Variants in PAPPA2 observed in about 807,000 individuals in gnomAD.
The protein encoded by PAPPA2 is pappalysin 2.
PAPPA2 carries 86 observed loss-of-function variants against 176.4 expected under a neutral mutation model. The observed-to-expected ratio is 0.49, with a 90% CI of 0.41 to 0.58. The LOEUF (loss-of-function observed/expected upper bound fraction) is 0.58. Ranked by LOEUF, PAPPA2 falls within the 20% of genes least tolerant of loss-of-function variation. PAPPA2 has a pLI of 0.00. For synonymous variants in PAPPA2, 809 were observed against 852.2 expected, an observed-to-expected ratio of 0.95 and a Z score of 0.88; for missense variants, 2,073 against 2,256.9, an observed-to-expected ratio of 0.92 and a Z score of 1.65.
At position 176,740,106 on chromosome 1, in the gene PAPPA2, C is replaced by CTG; in HGVS notation, c.4064_4065dup (p.Ala1356TrpfsTer3). 1 of 1,613,930 alleles carries CTG rather than the reference C, an allele frequency of 6.2e-7. No homozygotes were observed. The highest frequency in any genetic ancestry group is 8.5e-7 in the Non-Finnish European group (1 of 1,179,880). On this transcript the variant is annotated frameshift_variant, in exon 14 of 23. Coordinates refer to ENST00000367662, the MANE Select transcript of PAPPA2 (RefSeq NM_020318.3). LOFTEE classifies it high-confidence loss of function. ...TCATCCCCACGGGTCGGCATCTCAG[C>CTG]TGTGGCTCTAAGGACATCCTCCCGC...
At chr1:176,480,462 G>T (rs527802918) in intron 1 of PAPPA2, among the ~76,000 whole-genome samples, 10 of 152,120 alleles carry the variant, frequency 6.6e-5, no homozygotes, top group Non-Finnish European at 1.3e-4. Context: ...TCCGAACTGA[G>T]AGGCTAAGCA....
chr1:176,704,674 C>T (rs974338665), intron 9 of PAPPA2, among the ~76,000 whole-genome samples: 2 of 152,116 alleles, frequency 1.3e-5, no homozygotes, highest in Admixed American at 6.5e-5. Flanking sequence ...TTTGGAACAA[C>T]TTGGGCAGGT....
At position 176,711,868 on chromosome 1, in the gene PAPPA2, C is replaced by A; in HGVS notation, c.3685C>A (p.His1229Asn). 6.2e-7 allele frequency: 1 copy of A among 1,612,288 alleles called. No homozygotes were observed. Among genetic ancestry groups the A allele is most frequent in the Non-Finnish European group, 8.5e-7 (1 of 1,178,452 alleles). Residue 1229 changes from histidine (H) to asparagine (N), a missense_variant, in exon 12 of 23, where the codon CAC (histidine) becomes AAC (asparagine). His to Asn is a moderately conservative substitution (Grantham distance 68). Around this residue, in one of 4 missense-constraint regions of PAPPA2, gnomAD observed 846 missense variants for 857.9 expected, o/e 0.99. Coordinates refer to ENST00000367662, the MANE Select transcript of PAPPA2 (RefSeq NM_020318.3). The part of the protein sequence containing the change: ...CTSYHPDLPN[H>N]RPLTGWFPCV... ...ATCATACCATCCAGATTTACCCAAC[C>A]ACCGTCCCCTAACTGGCTGGTTTCC...
chr1:176,786,073 G>A (rs1664921536), intron 17 of PAPPA2, among the ~76,000 whole-genome samples: 1 of 152,142 alleles, frequency 6.6e-6, no homozygotes, highest in South Asian at 2.1e-4. Flanking sequence ...TTTCATCTGT[G>A]GGAGGTGGTA....
chr1:176,819,964 C>G (rs567209365), intron 21 of PAPPA2, among the ~76,000 whole-genome samples: 16 of 152,266 alleles, frequency 1.1e-4, no homozygotes, highest in African/African-American at 3.8e-4. Context: ...CTAGTAACCC[C>G]CCAGCACCAG....
At chr1:176,710,650 G>T (rs577857614) in intron 11 of PAPPA2, among the ~76,000 whole-genome samples, 1 of 152,114 alleles carries the variant, frequency 6.6e-6, no homozygotes, top group South Asian at 2.1e-4. Context: ...ACTGAAAAGA[G>T]GATTAAAGGC....
Position 176,629,071 on chromosome 1 carries a change from A to G in PAPPA2, c.1991+33476A>G, listed in dbSNP as rs141240766. 6.6e-5 allele frequency among the ~76,000 whole-genome samples: 10 copies of G among 152,348 alleles called. No homozygotes were observed. The East Asian group carries it at 1.3e-3, about 21-fold the overall frequency. On this transcript the variant is annotated intron_variant, in intron 3 of 22. Coordinates refer to ENST00000367662, the MANE Select transcript of PAPPA2 (RefSeq NM_020318.3). ...TTCTCAGAGAGAGACATTTACTCCA[A>G]TAACTCCCTGTGATGTTAACAGGAG...
At chr1:176,535,501 G>C (rs1650022749) in intron 1 of PAPPA2, among the ~76,000 whole-genome samples, 1 of 152,222 alleles carries the variant, frequency 6.6e-6, no homozygotes. Context: ...CTTGGGAAAA[G>C]GAGTGTGGTA....
chr1:176,550,430 C>T (rs1362626227), intron 1 of PAPPA2, among the ~76,000 whole-genome samples: 1 of 152,196 alleles, frequency 6.6e-6, no homozygotes, highest in Non-Finnish European at 1.5e-5. Flanking sequence ...CTTTGTTTGT[C>T]GGATGAGCGG....
intron 17 of PAPPA2, among the ~76,000 whole-genome samples, chr1:176,781,750 G>A (rs1664731681): frequency 6.6e-6 from 1 of 152,126 alleles, no homozygotes; most frequent in Non-Finnish European, 1.5e-5. Context: ...CTTTTAAAAT[G>A]CACATTCTTG....
At chr1:176,550,963 C>T (rs534980293) in intron 1 of PAPPA2, among the ~76,000 whole-genome samples, 1 of 152,304 alleles carries the variant, frequency 6.6e-6, no homozygotes, top group East Asian at 1.9e-4. Flanking sequence ...GGCTGGCAAA[C>T]CAGCCAGACA....
chr1:176,684,552 C>G (rs550990927), intron 4 of PAPPA2, among the ~76,000 whole-genome samples: 12 of 152,154 alleles, frequency 7.9e-5, no homozygotes, highest in Admixed American at 3.3e-4. Flanking sequence ...CCTACCCCCC[C>G]ACTCCCCATT....
chr1:176,753,042 G>T (rs1363964898), intron 14 of PAPPA2, among the ~76,000 whole-genome samples: 1 of 152,202 alleles, frequency 6.6e-6, no homozygotes, highest in Non-Finnish European at 1.5e-5. Context: ...GAAAGAAAAG[G>T]AACTTTTCCA....
intron 5 of PAPPA2, chr1:176,690,857 G>T: frequency 1.0e-6 from 1 of 988,836 alleles, no homozygotes; most frequent in Non-Finnish European, 1.2e-6. Context: ...TTTTGAAGTT[G>T]GTCAACAAGG....
chr1:176,494,316 T>A (rs1439837831), intron 1 of PAPPA2, among the ~76,000 whole-genome samples: 1 of 152,172 alleles, frequency 6.6e-6, no homozygotes, highest in Admixed American at 6.5e-5. Context: ...AATCTTGGAA[T>A]CATTCTTAAA....
chr1:176,526,653 T>C (rs1221019274), intron 1 of PAPPA2, among the ~76,000 whole-genome samples: 3 of 152,184 alleles, frequency 2.0e-5, no homozygotes, highest in Non-Finnish European at 4.4e-5. Context: ...GAGCTTCCCC[T>C]GACTAATAAA....
intron 1 of PAPPA2, among the ~76,000 whole-genome samples, chr1:176,509,874 A>AC (rs1397861525): frequency 4.0e-5 from 6 of 151,732 alleles, no homozygotes; most frequent in South Asian, 4.2e-4. Context: ...AAAAACAACA[A>AC]AAAAAACACA....
intron 12 of PAPPA2, among the ~76,000 whole-genome samples, chr1:176,722,664 A>C (rs1661680257): frequency 6.6e-6 from 1 of 152,180 alleles, no homozygotes; most frequent in African/African-American, 2.4e-5. Flanking sequence ...CAAAGGCTAA[A>C]GTAGCACAGA....
intron 3 of PAPPA2, among the ~76,000 whole-genome samples, chr1:176,634,805 GAT>G (rs1558486612): frequency 3.6e-3 from 445 of 125,284 alleles, no homozygotes; most frequent in South Asian, 0.02. Flanking sequence ...GAGAGAGATA[GAT>G]AGATAGATAG....
Sources: allele counts gnomAD v4.1 joint callset (sites outside exome capture counted in the v4.1 genomes callset), GRCh38; gene constraint gnomAD v4.1.1; regional missense constraint gnomAD v4.1.1; transcripts MANE v1.5; gene names NCBI Gene and HGNC (gene_info 2026-07-23, HGNC 2026-07-21).